Variants in ZNF385B observed in about 807,000 individuals in gnomAD.
ZNF385B encodes zinc finger protein 533.
Under a neutral mutation model 39.2 loss-of-function variants are expected in ZNF385B, and 23 were observed. The ratio of observed to expected loss-of-function variants is 0.59; its 90% CI spans 0.42 to 0.83. ZNF385B has a LOEUF of 0.83. Ranked by LOEUF, ZNF385B falls within the 40% of genes least tolerant of loss-of-function variation. The pLI, the probability that ZNF385B is intolerant of heterozygous loss-of-function variation, is 0.00. For missense variants in ZNF385B, 552 were observed against 598.9 expected (o/e 0.92, Z 0.82); for synonymous variants, 205 against 222.6 (o/e 0.92, Z 0.70).
At chr2:179,589,633 G>A (rs1687386859) in intron 3 of ZNF385B, among the ~76,000 whole-genome samples, 2 of 152,170 alleles carry the variant, frequency 1.3e-5, no homozygotes, top group South Asian at 4.1e-4. Context: ...CACTGATGCT[G>A]AGCCTAATAT....
intron 1 of ZNF385B, among the ~76,000 whole-genome samples, chr2:179,844,749 G>A (rs1431993498): frequency 1.3e-5 from 2 of 152,168 alleles, no homozygotes; most frequent in East Asian, 3.8e-4. Flanking sequence ...TGTACAGGAT[G>A]TTTAATTGTG....
At chr2:179,503,965 C>T (rs1232175711) in intron 5 of ZNF385B, among the ~76,000 whole-genome samples, 2 of 146,378 alleles carry the variant, frequency 1.4e-5, no homozygotes, top group East Asian at 2.1e-4. Context: ...CATGCTGGTG[C>T]GCTGCACCCA....
chr2:179,708,306 G>A (rs1185521694), intron 3 of ZNF385B, among the ~76,000 whole-genome samples: 1 of 152,198 alleles, frequency 6.6e-6, no homozygotes, highest in Non-Finnish European at 1.5e-5. Context: ...GCTGCCTTGT[G>A]AAGAAAGTAC....
At chr2:179,721,315 C>A (rs1315129388) in intron 3 of ZNF385B, among the ~76,000 whole-genome samples, 1 of 152,008 alleles carries the variant, frequency 6.6e-6, no homozygotes, top group Non-Finnish European at 1.5e-5. Flanking sequence ...GAGGAAAATA[C>A]AACTTAACCA....
chr2:179,510,185 G>A (rs2057557441), intron 5 of ZNF385B, among the ~76,000 whole-genome samples: 1 of 152,164 alleles, frequency 6.6e-6, no homozygotes, highest in South Asian at 2.1e-4. Context: ...TGCAGTTGAT[G>A]TGTATGTGTG....
At chr2:179,856,460 C>T (rs1255439394) in intron 1 of ZNF385B, among the ~76,000 whole-genome samples, 2 of 152,088 alleles carry the variant, frequency 1.3e-5, no homozygotes, top group Non-Finnish European at 2.9e-5. Flanking sequence ...AAAGAAACAG[C>T]TGTGCCCAAC....
At chr2:179,617,155 C>G (rs1213591643) in intron 3 of ZNF385B, among the ~76,000 whole-genome samples, 2 of 152,156 alleles carry the variant, frequency 1.3e-5, no homozygotes, top group Non-Finnish European at 2.9e-5. Flanking sequence ...ATATGTTTGT[C>G]TTGGATATAA....
At chr2:179,786,853 C>T (rs1705036028) in intron 1 of ZNF385B, among the ~76,000 whole-genome samples, 1 of 151,986 alleles carries the variant, frequency 6.6e-6, no homozygotes, top group Non-Finnish European at 1.5e-5. Context: ...CCAATTTGAT[C>T]TCTAGATTAG....
At chr2:179,459,872 G>A (rs2051125145) in intron 6 of ZNF385B, among the ~76,000 whole-genome samples, 1 of 151,614 alleles carries the variant, frequency 6.6e-6, no homozygotes, top group Non-Finnish European at 1.5e-5. Context: ...GGGAAGCTGA[G>A]GCGGGTGGAT....
chr2:179,502,496 G>A (rs2056855975), intron 5 of ZNF385B, among the ~76,000 whole-genome samples: 1 of 152,130 alleles, frequency 6.6e-6, no homozygotes, highest in African/African-American at 2.4e-5. Flanking sequence ...CATGAGATCT[G>A]GTTGTTTGAA....
intron 3 of ZNF385B, among the ~76,000 whole-genome samples, chr2:179,687,142 C>T (rs1439438104): frequency 6.6e-6 from 1 of 151,360 alleles, no homozygotes; most frequent in Non-Finnish European, 1.5e-5. Context: ...GTCAAGAATA[C>T]CCATGGGTGC....
chr2:179,747,014 GT>G (rs1559156104), intron 3 of ZNF385B, among the ~76,000 whole-genome samples: 1 of 152,100 alleles, frequency 6.6e-6, no homozygotes, highest in Non-Finnish European at 1.5e-5. Context: ...TTTAAAAAGG[GT>G]TTTAGGTTCT....
chr2:179,483,356 T>G lies in ZNF385B; in HGVS notation c.631A>C (p.Lys211Gln). Residue 211 changes from lysine to glutamine, a missense_variant, in exon 6 of 10, where the codon AAA becomes CAA. Lys to Gln is a moderately conservative substitution (Grantham distance 53). Transcript: ENST00000410066. ...KALDATKNKP[K>Q]MVPSKDSAKA... ...GCGCTGTCCTTGGAAGGAACCATTTTGGGTTTATTTTTCGTTGCGTCTAGT... is the reference window on the plus strand; with the variant it reads ...GCGCTGTCCTTGGAAGGAACCATTTGGGGTTTATTTTTCGTTGCGTCTAGT... 1.2e-6 allele frequency: 2 copies of G among 1,614,082 alleles called. No individual in the cohort carries two copies. The highest frequency in any genetic ancestry group is 1.7e-6 in the Non-Finnish European group (2 of 1,179,960).
intron 3 of ZNF385B, among the ~76,000 whole-genome samples, chr2:179,724,166 G>A (rs1326533817): frequency 4.6e-5 from 7 of 151,988 alleles, no homozygotes; most frequent in South Asian, 2.1e-4. Context: ...AAAATTCACC[G>A]GGCATGGTGG....
intron 3 of ZNF385B, among the ~76,000 whole-genome samples, chr2:179,679,749 C>T (rs908975281): frequency 6.6e-6 from 1 of 152,102 alleles, no homozygotes; most frequent in Non-Finnish European, 1.5e-5. Flanking sequence ...AGATTCCCAC[C>T]CAGTTATGCC....
chr2:179,815,579 C>T (rs1250132198), intron 1 of ZNF385B, among the ~76,000 whole-genome samples: 1 of 152,112 alleles, frequency 6.6e-6, no homozygotes, highest in Non-Finnish European at 1.5e-5. Flanking sequence ...TCTTCTTTAC[C>T]AGAGAACAAT....
At chr2:179,560,668 T>C (rs1482862713) in intron 3 of ZNF385B, among the ~76,000 whole-genome samples, 1 of 152,148 alleles carries the variant, frequency 6.6e-6, no homozygotes, top group Non-Finnish European at 1.5e-5. Flanking sequence ...GTATGTAGCA[T>C]CTCTGTCTCT....
intron 4 of ZNF385B, among the ~76,000 whole-genome samples, chr2:179,524,553 A>AAAAAAAG (rs1291149289): frequency 0.011 from 72 of 6,494 alleles, 2 homozygotes; most frequent in South Asian, 0.11. Flanking sequence ...CTCCGTCTCA[A>AAAAAAAG]AAAAAAAAAA....
chr2:179,578,843 G>C (rs982712225), intron 3 of ZNF385B, among the ~76,000 whole-genome samples: 2 of 152,036 alleles, frequency 1.3e-5, no homozygotes, highest in Non-Finnish European at 2.9e-5. Context: ...GTTTGGTATA[G>C]TTTCTTCTAC....
Sources: allele counts gnomAD v4.1 joint callset (sites outside exome capture counted in the v4.1 genomes callset), GRCh38; gene constraint gnomAD v4.1.1; transcripts MANE v1.5; gene names NCBI Gene and HGNC (gene_info 2026-07-23, HGNC 2026-07-21).